The following EBF2 variants were observed in gnomAD, a reference collection of about 807,000 sequenced individuals.
The protein encoded by EBF2 is transcription factor COE2.
In EBF2, 21 loss-of-function variants were observed where a neutral mutation model predicts 72.8. That is an observed-to-expected ratio of 0.29 (90% confidence interval 0.20 to 0.42). The LOEUF (loss-of-function observed/expected upper bound fraction) is 0.42. Among genes scored for constraint, EBF2 ranks in the 10% least tolerant of loss-of-function variants. The pLI, the probability that EBF2 is intolerant of heterozygous loss-of-function variation, is 1.00. For synonymous variants in EBF2, 299 were observed against 274.2 expected (o/e 1.09, Z -0.89); for missense variants, 637 against 731.2 (o/e 0.87, Z 1.49).
At chr8:25,887,445 A>C (rs112408096) in intron 9 of EBF2, among the ~76,000 whole-genome samples, 1,781 of 152,342 alleles carry the variant, frequency 0.012, 34 homozygotes, top group African/African-American at 0.04. Flanking sequence ...TTAAAAATTA[A>C]CATCATAAAG....
chr8:26,027,264 C>T (rs1386487112), intron 6 of EBF2, among the ~76,000 whole-genome samples: 3 of 152,088 alleles, frequency 2.0e-5, no homozygotes, highest in East Asian at 1.9e-4. Flanking sequence ...AGAACAAGTA[C>T]GGCCCAGGGG....
chr8:25,871,144 A>G (rs1436552894), intron 10 of EBF2, among the ~76,000 whole-genome samples: 1 of 152,046 alleles, frequency 6.6e-6, no homozygotes, highest in Non-Finnish European at 1.5e-5. Context: ...ATTCAGCTTC[A>G]CCTTGAATCC....
rs71216403 is a variant in EBF2 at position 25,934,224 on chromosome 8, T to TACAC, written c.552-25673_552-25670dup. Among the ~76,000 whole-genome samples the TACAC allele has an allele frequency of 4.0e-3, 549 of 136,814 alleles. 3 individuals carry two copies. Among genetic ancestry groups the TACAC allele is most frequent in the South Asian group, 0.021 (81 of 3,836 alleles). The allele number at this position is 136,814 out of a possible 152,430, so 89.8% of individuals were successfully genotyped here. A position where few individuals can be genotyped will look rare whatever the true frequency, so the allele number is the denominator to read the frequency against. ...CTGCTTATTGTTGACTTCATGTGCA[T>TACAC]ACACACACACACACACACACACACA... On this transcript the variant is annotated intron_variant, in intron 6 of 15. Coordinates refer to ENST00000520164, the MANE Select transcript of EBF2 (RefSeq NM_022659.4).
At chr8:26,005,573 G>GAGAGAGAA (rs1452363058) in intron 6 of EBF2, among the ~76,000 whole-genome samples, 3 of 50,202 alleles carry the variant, frequency 6.0e-5, no homozygotes, top group African/African-American at 2.5e-4. Context: ...GAGAGAGAGA[G>GAGAGAGAA]AGAGAGGTAT....
rs1563217564 is a variant in EBF2 at position 26,042,269 on chromosome 8, C to G, written c.132-18G>C. The G allele has an allele frequency of 1.2e-6, 2 of 1,605,450 alleles. No individual in the cohort carries two copies. The highest frequency in any genetic ancestry group is 1.7e-6 in the Non-Finnish European group (2 of 1,175,400). ...CGACCCCGCTGCACAGGGAGAAAAA[C>G]GGGGGAACACAAGACACGGGGAAGC... On this transcript the variant is annotated intron_variant, in intron 1 of 15. Coordinates refer to ENST00000520164, the MANE Select transcript of EBF2 (RefSeq NM_022659.4).
At chr8:25,948,389 G>T (rs946216074) in intron 6 of EBF2, among the ~76,000 whole-genome samples, 2 of 152,108 alleles carry the variant, frequency 1.3e-5, no homozygotes, top group Admixed American at 6.5e-5. Context: ...TTTTCCAGAT[G>T]CCCCTCAGAT....
chr8:25,861,167 A>T lies in EBF2; in HGVS notation c.1224T>A (p.Asn408Lys). The change falls in exon 13 of 16, where the codon AAT becomes AAA. Residue 408 changes from asparagine to lysine, a missense_variant. Asn to Lys is a moderately conservative substitution (Grantham distance 94). Around this residue, in one of 3 missense-constraint regions of EBF2, gnomAD observed 259 missense variants for 268.1 expected, o/e 0.97. Coordinates refer to ENST00000520164, the MANE Select transcript of EBF2 (RefSeq NM_022659.4). ...IAEALYSVPRNPSQLPALSSS... is the reference protein window; with the variant it reads ...IAEALYSVPRKPSQLPALSSS... ...TAGAGAGGGCTGGAAGCTGGCTGGG[A>T]TTCCTGGGGACGCTGTAGAGAGCTT... The T allele has an allele frequency of 6.2e-7, 1 of 1,614,068 alleles. No individual in the cohort carries two copies. Among genetic ancestry groups the T allele is most frequent in the South Asian group, 1.1e-5 (1 of 91,068 alleles).
intron 6 of EBF2, among the ~76,000 whole-genome samples, chr8:26,013,455 AGT>A (rs1805059383): frequency 6.6e-6 from 1 of 152,192 alleles, no homozygotes; most frequent in Non-Finnish European, 1.5e-5. Context: ...ATATCAAGGC[AGT>A]GTGGAAGCAC....
intron 10 of EBF2, among the ~76,000 whole-genome samples, chr8:25,875,739 GC>G (rs1285183602): frequency 6.6e-6 from 1 of 152,142 alleles, no homozygotes; most frequent in African/African-American, 2.4e-5. Context: ...TGCTTTATAA[GC>G]CAAAAAGTCT....
At chr8:25,884,580 T>C (rs1412168591) in intron 10 of EBF2, among the ~76,000 whole-genome samples, 20 of 152,192 alleles carry the variant, frequency 1.3e-4, no homozygotes, top group Admixed American at 1.3e-3. Flanking sequence ...TTCCCCTCTA[T>C]AATACAAGCT....
chr8:25,849,693 C>T (rs1801920241), intron 15 of EBF2, among the ~76,000 whole-genome samples: 1 of 152,054 alleles, frequency 6.6e-6, no homozygotes, highest in Non-Finnish European at 1.5e-5. Context: ...TTTTCATATA[C>T]TCATCACATT....
intron 6 of EBF2, among the ~76,000 whole-genome samples, chr8:26,016,492 G>T (rs1805113649): frequency 6.6e-6 from 1 of 152,144 alleles, no homozygotes; most frequent in Non-Finnish European, 1.5e-5. Context: ...TAATACAATG[G>T]TTACATTAGA....
At chr8:26,009,196 C>T (rs1019382809) in intron 6 of EBF2, among the ~76,000 whole-genome samples, 1 of 146,602 alleles carries the variant, frequency 6.8e-6, no homozygotes, top group Non-Finnish European at 1.5e-5. Flanking sequence ...CTCTTTCTTT[C>T]CTTTTCCTTG....
chr8:25,880,407 T>A (rs1214685786), intron 10 of EBF2, among the ~76,000 whole-genome samples: 1 of 152,206 alleles, frequency 6.6e-6, no homozygotes, highest in Non-Finnish European at 1.5e-5. Context: ...TACAGTTTAG[T>A]TTATATGCTA....
intron 6 of EBF2, among the ~76,000 whole-genome samples, chr8:25,943,491 C>G (rs1803714817): frequency 6.6e-6 from 1 of 152,022 alleles, no homozygotes; most frequent in Non-Finnish European, 1.5e-5. Flanking sequence ...GTCTGGACAA[C>G]AGAGCTAGAC....
chr8:25,860,942 TG>T, intron 13 of EBF2, 106 bp downstream of exon 13: 2 of 1,213,176 alleles, frequency 1.6e-6, no homozygotes, highest in Non-Finnish European at 2.4e-6. Context: ...TGCCTATCTG[TG>T]GACACACTCT....
chr8:25,853,839 G>GA (rs33990807), intron 14 of EBF2, among the ~76,000 whole-genome samples: 118 of 150,734 alleles, frequency 7.8e-4, no homozygotes, highest in Middle Eastern at 3.4e-3. Context: ...CTCTTCAGAT[G>GA]AAAAAAAAAC....
At chr8:25,877,927 G>A (rs910753761) in intron 10 of EBF2, among the ~76,000 whole-genome samples, 2 of 152,162 alleles carry the variant, frequency 1.3e-5, no homozygotes, top group Non-Finnish European at 2.9e-5. Context: ...CCTGTCCGAA[G>A]AGCATGATTT....
At chr8:25,976,110 T>C (rs1013688144) in intron 6 of EBF2, among the ~76,000 whole-genome samples, 1 of 152,200 alleles carries the variant, frequency 6.6e-6, no homozygotes, top group African/African-American at 2.4e-5. Context: ...TCAATTACTA[T>C]GAAAACCCTC....
Sources: gnomAD v4.1 joint callset for allele counts (sites outside exome capture counted in the v4.1 genomes callset) on GRCh38, gnomAD v4.1.1 for gene constraint, gnomAD v4.1.1 regional missense constraint, MANE v1.5 for transcripts, NCBI Gene and HGNC (gene_info 2026-07-23, HGNC 2026-07-21) for gene names.